TCP1: variants seen among roughly 807,000 people sequenced by gnomAD.
The protein encoded by TCP1 is T-complex protein 1 subunit alpha.
Under a neutral mutation model 54.7 loss-of-function variants are expected in TCP1, and 6 were observed. The ratio of observed to expected loss-of-function variants is 0.11; its 90% CI spans 0.06 to 0.22. TCP1 has a LOEUF of 0.22. Ranked by LOEUF, TCP1 falls within the 10% of genes least tolerant of loss-of-function variation. TCP1 has a pLI of 1.00. For missense variants in TCP1, 511 were observed against 678.2 expected, an observed-to-expected ratio of 0.75 and a Z score of 2.74; for synonymous variants, 225 against 229.7, an observed-to-expected ratio of 0.98 and a Z score of 0.19.
At chr6:159,787,703 G>A (rs73781668) in intron 3 of TCP1, 40 bp downstream of exon 3, 45,232 of 1,588,444 alleles carry the variant, frequency 0.028, 911 homozygotes, top group Middle Eastern at 0.078. Flanking sequence ...AAAGTCGGTC[G>A]TTTTTAGAAA....
chr6:159,785,619 A>G (rs764665753), intron 4 of TCP1, 123 bp from the exon 5 acceptor site: 2 of 865,876 alleles, frequency 2.3e-6, no homozygotes, highest in South Asian at 2.6e-5. Context: ...CATTTCATAT[A>G]GGAGGAGGAC....
intron 1 of TCP1, chr6:159,789,135 G>A (rs573206049): frequency 2.3e-5 from 11 of 469,066 alleles, no homozygotes; most frequent in South Asian, 1.7e-4. Flanking sequence ...TCCCGCGGAG[G>A]GCGCGTTTCC....
At chr6:159,787,423 A>G (rs1331591405) in intron 3 of TCP1, among the ~76,000 whole-genome samples, 2 of 152,192 alleles carry the variant, frequency 1.3e-5, no homozygotes, top group Admixed American at 6.5e-5. Flanking sequence ...TAAAAGGAAA[A>G]ATAAGCCCTC....
In TCP1 at chr6:159,789,479, G is replaced by A; in HGVS notation, c.-11C>T. On this transcript the variant is annotated 5_prime_UTR_variant, in exon 1 of 12. Coordinates refer to ENST00000321394, the MANE Select transcript of TCP1 (RefSeq NM_030752.3). ...CAAAGGCCCCTCCATCTTGACGGCA[G>A]CGATACACGTCGAATTCTGCTTACA... 11 of 1,613,876 alleles carry A rather than the reference G, an allele frequency of 6.8e-6. No individual in the cohort carries two copies. Among genetic ancestry groups the A allele is most frequent in the Non-Finnish European group, 9.3e-6 (11 of 1,179,854 alleles).
chr6:159,778,983 TACTC>T lies in TCP1; in HGVS notation c.*58_*61del, dbSNP rs1780503547. On this transcript the variant is annotated 3_prime_UTR_variant, in exon 12 of 12. Transcript: ENST00000321394. ...GCTTGTACTTTACTTTAATGTGTAA[TACTC>T]AACTCAAGGTACAAGACAATTGCAT... is the stretch of plus-strand genomic sequence containing the variant. 6.4e-7 allele frequency: 1 copy of T among 1,570,346 alleles called. No homozygotes were observed. Among genetic ancestry groups the T allele is most frequent in the Middle Eastern group, 1.7e-4 (1 of 5,890 alleles).
At chr6:159,780,360 C>T (rs771217963) in intron 9 of TCP1, 83 bp downstream of exon 9, 3 of 1,598,346 alleles carry the variant, frequency 1.9e-6, no homozygotes, top group Middle Eastern at 3.3e-4. Context: ...TGTGAGACTA[C>T]AAGCAGCAAA....
intron 7 of TCP1, among the ~76,000 whole-genome samples, chr6:159,782,838 A>G (rs1279821614): frequency 1.3e-5 from 2 of 152,246 alleles, no homozygotes; most frequent in East Asian, 1.9e-4. Context: ...CAGACAAAGC[A>G]GCATCACAAA....
chr6:159,787,961 A>C, intron 2 of TCP1, 90 bp from the exon 3 acceptor site: 1 of 1,605,090 alleles, frequency 6.2e-7, no homozygotes. Context: ...ATCACCTTCC[A>C]GTACGTGGAT....
intron 4 of TCP1, 136 bp from the exon 5 acceptor site, chr6:159,785,632 G>GA (rs780928187): frequency 2.4e-6 from 2 of 829,964 alleles, no homozygotes; most frequent in South Asian, 1.3e-5. Context: ...AGGAGGACAT[G>GA]AAAAAACCCT....
In TCP1 at chr6:159,784,034, G is replaced by C; in HGVS notation, c.704C>G (p.Ala235Gly). 2.5e-6 allele frequency: 4 copies of C among 1,613,764 alleles called. No homozygotes were observed. The highest frequency in any genetic ancestry group is 3.4e-6 in the Non-Finnish European group (4 of 1,179,948). Reference sequence around the variant, plus strand: ...TTTTTGCAGGCTGAAGTCAAGGCAAGCAATTTTTGCATTTACGATTCTCTT... The same window carrying C: ...TTTTTGCAGGCTGAAGTCAAGGCAACCAATTTTTGCATTTACGATTCTCTT... Reference protein sequence around the residue: ...MPKRIVNAKIACLDFSLQKTK... With the variant: ...MPKRIVNAKIGCLDFSLQKTK... The change falls in exon 7 of 12, where the codon GCT (alanine) becomes GGT (glycine). Residue 235 changes from alanine (A) to glycine (G), a missense_variant. Physicochemically the swap from Ala to Gly is moderately conservative, Grantham distance 60. This residue lies in a region of TCP1 where 305 missense variants were observed against 352.8 expected (regional missense o/e 0.86). Transcript: ENST00000321394.
At chr6:159,779,819 CACAAAAGGGAAAAAAAAAAT>C (rs1303363375) in intron 10 of TCP1, 29 bp from the exon 11 acceptor site, 1 of 1,584,644 alleles carries the variant, frequency 6.3e-7, no homozygotes, top group East Asian at 2.2e-5. Context: ...TAGGTGACTT[CACAAAAGGGAAAAAAAAAAT>C]TGAAGTCCAC....
chr6:159,786,809 T>C (rs1044965030), intron 3 of TCP1, among the ~76,000 whole-genome samples: 6 of 152,348 alleles, frequency 3.9e-5, no homozygotes, highest in South Asian at 2.1e-4. Flanking sequence ...GTTTCTACTA[T>C]ACCAGCATGC....
intron 1 of TCP1, chr6:159,788,855 C>T (rs1278427575): frequency 1.3e-5 from 2 of 153,130 alleles, no homozygotes; most frequent in Non-Finnish European, 2.9e-5. Flanking sequence ...CTCCTGGGGT[C>T]AATGCACTCG....
chr6:159,780,683 C>T, intron 8 of TCP1, 117 bp from the exon 9 acceptor site: 11 of 1,368,538 alleles, frequency 8.0e-6, no homozygotes, highest in Non-Finnish European at 1.1e-5. Context: ...TTTAGTTAGG[C>T]AGCACACGGT....
At chr6:159,784,171 T>C (rs982676106) in intron 6 of TCP1, 104 bp from the exon 7 acceptor site, 4 of 1,375,064 alleles carry the variant, frequency 2.9e-6, no homozygotes, top group Admixed American at 6.2e-5. Context: ...GACTAATTCA[T>C]TGCATTTTAT....
At chr6:159,781,908 T>C (rs138566969) in intron 7 of TCP1, among the ~76,000 whole-genome samples, 40 of 152,332 alleles carry the variant, frequency 2.6e-4, no homozygotes, top group African/African-American at 9.6e-4. Context: ...GCAAGACTAG[T>C]ATATCATCTG....
intron 5 of TCP1, 156 bp from the exon 6 acceptor site, chr6:159,785,003 T>C (rs143673574): frequency 5.0e-4 from 362 of 727,290 alleles, no homozygotes; most frequent in Non-Finnish European, 7.2e-4. Context: ...ATTATCACTA[T>C]CTGCAATTCA....
Position 159,784,723 on chromosome 6 carries a change from G to A in TCP1, c.613C>T (p.Gln205Ter). 1 of 1,614,182 alleles carries A rather than the reference G, an allele frequency of 6.2e-7. No individual in the cohort carries two copies. ...CCACTGATGAGCATACTCTCCATTT[G>A]ACTTCTCCCATGGGCTTTCAAAATA... ...VNILKAHGRS[Q>*]MESMLISGYA... Residue 205 changes from glutamine (Q) to a stop codon, truncating the protein, a stop_gained, in exon 6 of 12, where the codon CAA (glutamine) becomes TAA (stop). Coordinates refer to ENST00000321394, the MANE Select transcript of TCP1 (RefSeq NM_030752.3). LOFTEE classifies it high-confidence loss of function.
intron 4 of TCP1, 92 bp downstream of exon 4, chr6:159,785,808 A>G: frequency 9.5e-7 from 1 of 1,047,434 alleles, no homozygotes; most frequent in South Asian, 1.3e-5. Flanking sequence ...AAGGTTTTCA[A>G]ATTAAAATTT....
Sources: gnomAD v4.1 joint callset for allele counts (sites outside exome capture counted in the v4.1 genomes callset) on GRCh38, gnomAD v4.1.1 for gene constraint, gnomAD v4.1.1 regional missense constraint, MANE v1.5 for transcripts, NCBI Gene and HGNC (gene_info 2026-07-23, HGNC 2026-07-21) for gene names.